FAM227B: variants seen among roughly 807,000 people sequenced by gnomAD.
FAM227B encodes protein FAM227B.
A neutral mutation model predicts 73.8 loss-of-function variants in FAM227B; 88 were observed. The observed-to-expected ratio is 1.19, with a 90% CI of 1.00 to 1.42. The LOEUF (loss-of-function observed/expected upper bound fraction) is 1.42. Ranked by LOEUF, FAM227B falls within the 40% of genes most tolerant of loss-of-function variation. The pLI is 0.00. For synonymous variants in FAM227B, 210 were observed against 190.5 expected (o/e 1.10, Z -0.84); for missense variants, 632 against 590.9 (o/e 1.07, Z -0.72).
chr15:49,525,254 T>G (rs955827270), intron 10 of FAM227B, among the ~76,000 whole-genome samples: 1 of 152,032 alleles, frequency 6.6e-6, no homozygotes, highest in African/African-American at 2.4e-5. Context: ...GTTCTTGGGA[T>G]AGTGAATAAG....
In FAM227B at chr15:49,328,345, T is replaced by G; in HGVS notation, c.*223A>C. On this transcript the variant is annotated 3_prime_UTR_variant, in exon 16 of 16. Transcript: ENST00000299338. ...CTTCATAATGATTCTTTTTCCATCT[T>G]AAAATATGGTTTTACTATTAAGAGC... The G allele has an allele frequency of 7.0e-7, 1 of 1,429,770 alleles. No individual in the cohort carries two copies. Among genetic ancestry groups the G allele is most frequent in the Non-Finnish European group, 9.1e-7 (1 of 1,095,896 alleles). The allele number at this position is 1,429,770 out of a possible 1,614,324, so 88.6% of individuals were successfully genotyped here. A position where few individuals can be genotyped will look rare whatever the true frequency, so the allele number is the denominator to read the frequency against.
intron 11 of FAM227B, among the ~76,000 whole-genome samples, chr15:49,376,383 T>G (rs1428133531): frequency 6.6e-6 from 1 of 152,108 alleles, no homozygotes; most frequent in Non-Finnish European, 1.5e-5. Context: ...AATCATTCTT[T>G]TTACATTGAA....
intron 13 of FAM227B, among the ~76,000 whole-genome samples, chr15:49,336,472 T>G: frequency 6.6e-6 from 1 of 152,174 alleles, no homozygotes; most frequent in East Asian, 1.9e-4. Context: ...CTCTTAAACC[T>G]CTGCCATCAC....
At chr15:49,452,347 C>A (rs925249300) in intron 11 of FAM227B, among the ~76,000 whole-genome samples, 11 of 152,114 alleles carry the variant, frequency 7.2e-5, no homozygotes, top group Non-Finnish European at 1.0e-4. Context: ...GCCACTGCAC[C>A]CGGCCCCAAC....
intron 11 of FAM227B, among the ~76,000 whole-genome samples, chr15:49,457,166 T>G (rs1161893214): frequency 6.6e-6 from 1 of 152,006 alleles, no homozygotes; most frequent in African/African-American, 2.4e-5. Context: ...TTTAACAGTG[T>G]TTTTTCTTTG....
rs1180908616 is a variant in FAM227B at position 49,489,881 on chromosome 15, TATAGAG to T, written c.1012+18324_1012+18329del. 2.4e-3 allele frequency among the ~76,000 whole-genome samples: 39 copies of T among 16,484 alleles called. 8 individuals are homozygous for T. Among genetic ancestry groups the T allele is most frequent in the Admixed American group, 6.7e-3 (6 of 890 alleles). The allele number at this position is 16,484 out of a possible 152,430, so 10.8% of individuals were successfully genotyped here. On this transcript the variant is annotated intron_variant, in intron 11 of 15. Transcript: ENST00000299338. ...TATTTTATATATATATATATATATATATAGAGAGAGAGAGAGAGAGAGAGAGAGAGA... is the reference window on the plus strand; with the variant it reads ...TATTTTATATATATATATATATATATAGAGAGAGAGAGAGAGAGAGAGAGA...
chr15:49,577,835 C>G (rs1482649531), intron 5 of FAM227B, among the ~76,000 whole-genome samples, 171 bp from the exon 6 acceptor site: 1 of 152,072 alleles, frequency 6.6e-6, no homozygotes, highest in Non-Finnish European at 1.5e-5. Context: ...TCAAAGATGG[C>G]CTTTGCCCTC....
chr15:49,524,245 C>G (rs4375606), intron 10 of FAM227B, among the ~76,000 whole-genome samples: 1 of 152,064 alleles, frequency 6.6e-6, no homozygotes. Flanking sequence ...CAGCTGGGCC[C>G]AGGGCTCCCT....
At chr15:49,417,940 T>C (rs757919374) in intron 11 of FAM227B, among the ~76,000 whole-genome samples, 43 of 152,176 alleles carry the variant, frequency 2.8e-4, no homozygotes, top group Non-Finnish European at 3.7e-4. Context: ...AGATTTAACA[T>C]CCAACATCTA....
Position 49,588,082 on chromosome 15 carries a change from A to G in FAM227B, c.339T>C (p.Ser113=). Residue 113 remains serine, a splice_region_variant and synonymous_variant, in exon 5 of 16, where the codon AGT becomes AGC. Coordinates refer to ENST00000299338, the MANE Select transcript of FAM227B (RefSeq NM_152647.3). ...CATATCGTTCCAATTTTCTATAAGAACCTTTAAGAAAATAAGAATTCACAG... is the reference window on the plus strand; with the variant it reads ...CATATCGTTCCAATTTTCTATAAGAGCCTTTAAGAAAATAAGAATTCACAG... The part of the protein sequence containing the change: ...FKWKSMISET[S]SYRKLERYGE... 7.1e-7 allele frequency: 1 copy of G among 1,402,380 alleles called. No individual in the cohort carries two copies. Among genetic ancestry groups the G allele is most frequent in the Non-Finnish European group, 9.5e-7 (1 of 1,048,976 alleles). 86.9% of individuals were successfully genotyped at this position (1,402,380 alleles called of 1,614,324 possible).
At chr15:49,464,820 C>T (rs2054119442) in intron 11 of FAM227B, among the ~76,000 whole-genome samples, 1 of 152,162 alleles carries the variant, frequency 6.6e-6, no homozygotes, top group African/African-American at 2.4e-5. Flanking sequence ...TGCCATTCTC[C>T]TTGCTTAGCG....
chr15:49,541,116 G>A (rs1476183302), intron 10 of FAM227B, among the ~76,000 whole-genome samples: 1 of 152,074 alleles, frequency 6.6e-6, no homozygotes, highest in Non-Finnish European at 1.5e-5. Context: ...AAAATGCTGG[G>A]AGGTCATTCT....
chr15:49,385,655 A>G (rs945041788), intron 11 of FAM227B, among the ~76,000 whole-genome samples: 1 of 151,892 alleles, frequency 6.6e-6, no homozygotes. Context: ...TTACATCTCA[A>G]TATTAATGTT....
At chr15:49,530,913 G>C (rs1269489607) in intron 10 of FAM227B, among the ~76,000 whole-genome samples, 1 of 151,530 alleles carries the variant, frequency 6.6e-6, no homozygotes, top group Non-Finnish European at 1.5e-5. Flanking sequence ...GCATTCTATA[G>C]AATCACAAAT....
At chr15:49,555,390 T>C (rs1443606470) in intron 9 of FAM227B, among the ~76,000 whole-genome samples, 1 of 152,236 alleles carries the variant, frequency 6.6e-6, no homozygotes, top group Admixed American at 6.5e-5. Context: ...CAGTCTCTTC[T>C]GGGTTGTAGG....
At chr15:49,577,309 C>A (rs1316993159) in intron 6 of FAM227B, 4 of 319,786 alleles carry the variant, frequency 1.3e-5, no homozygotes, top group African/African-American at 4.5e-5. Flanking sequence ...ACACCCCCTG[C>A]AAAAAAAGAA....
rs866983667 is a variant in FAM227B, at chr15:49,451,227, C to T, written c.1012+56984G>A. Among the ~76,000 whole-genome samples the T allele has an allele frequency of 3.9e-5, 6 of 152,032 alleles. No individual in the cohort carries two copies. The South Asian group carries it at 1.0e-3, about 26-fold the overall frequency. On this transcript the variant is annotated intron_variant, in intron 11 of 15. Coordinates refer to ENST00000299338, the MANE Select transcript of FAM227B (RefSeq NM_152647.3). ...CATTTAAAATTTTAACCAATTAGAGCTTGCCAATTTCTACAGAAAGTGTGA... is the reference window on the plus strand; with the variant it reads ...CATTTAAAATTTTAACCAATTAGAGTTTGCCAATTTCTACAGAAAGTGTGA...
chr15:49,608,015 C>G (rs1349019597), intron 3 of FAM227B, among the ~76,000 whole-genome samples: 2 of 152,168 alleles, frequency 1.3e-5, no homozygotes, highest in Non-Finnish European at 2.9e-5. Flanking sequence ...TAGCAGCTAA[C>G]AGGCAGATTA....
intron 10 of FAM227B, among the ~76,000 whole-genome samples, chr15:49,522,187 C>T (rs566669611): frequency 5.9e-5 from 9 of 152,048 alleles, no homozygotes; most frequent in African/African-American, 1.4e-4. Context: ...GCAAGGAACC[C>T]GTAACAGTGT....
Sources: allele counts gnomAD v4.1 joint callset (sites outside exome capture counted in the v4.1 genomes callset), GRCh38; gene constraint gnomAD v4.1.1; transcripts MANE v1.5; gene names NCBI Gene and HGNC (gene_info 2026-07-23, HGNC 2026-07-21).